KIF26B: variants seen among roughly 807,000 people sequenced by gnomAD.
KIF26B encodes kinesin-like protein KIF26B.
Under a neutral mutation model 151.2 loss-of-function variants are expected in KIF26B, and 63 were observed. That is an observed-to-expected ratio of 0.42 (90% CI 0.34 to 0.51). KIF26B has a LOEUF of 0.51. KIF26B is among the 20% of genes least tolerant of loss of function. The pLI is 0.07. For synonymous variants in KIF26B, 1,357 were observed against 1,262.1 expected, an observed-to-expected ratio of 1.08 and a Z score of -1.59; for missense variants, 2,813 against 2,913.6, an observed-to-expected ratio of 0.97 and a Z score of 0.79.
At chr1:245,269,375 C>T (rs1670808700) in intron 2 of KIF26B, among the ~76,000 whole-genome samples, 1 of 150,678 alleles carries the variant, frequency 6.6e-6, no homozygotes, top group Non-Finnish European at 1.5e-5. Context: ...TAAATAGAAT[C>T]ACACAGTATT....
chr1:245,366,757 G>A (rs1672963025), intron 2 of KIF26B, 77 bp from the exon 3 acceptor site: 1 of 1,446,726 alleles, frequency 6.9e-7, no homozygotes, highest in South Asian at 1.3e-5. Context: ...GGTTTGACTG[G>A]TAAGCCAGGT....
intron 5 of KIF26B, among the ~76,000 whole-genome samples, chr1:245,548,294 A>T (rs1661794873): frequency 6.6e-6 from 1 of 152,156 alleles, no homozygotes; most frequent in East Asian, 1.9e-4. Context: ...TAAAAAAAAA[A>T]ATTCTATACA....
intron 4 of KIF26B, among the ~76,000 whole-genome samples, chr1:245,524,058 T>C (rs946770916): frequency 6.6e-6 from 1 of 152,230 alleles, no homozygotes; most frequent in East Asian, 1.9e-4. Flanking sequence ...TCTTAAAATA[T>C]ATATTGGGAA....
chr1:245,656,007 A>G (rs1299293875), intron 10 of KIF26B, among the ~76,000 whole-genome samples: 3 of 152,242 alleles, frequency 2.0e-5, no homozygotes, highest in Non-Finnish European at 4.4e-5. Flanking sequence ...TTCTAAGCCT[A>G]ATTGAGGTCA....
At chr1:245,395,944 A>G (rs984246613) in intron 3 of KIF26B, among the ~76,000 whole-genome samples, 4 of 151,996 alleles carry the variant, frequency 2.6e-5, no homozygotes, top group Non-Finnish European at 5.9e-5. Flanking sequence ...ACAGGGGGGG[A>G]AATTTCTTCC....
At chr1:245,689,153 G>A (rs1049097678) in intron 12 of KIF26B, among the ~76,000 whole-genome samples, 2 of 152,220 alleles carry the variant, frequency 1.3e-5, no homozygotes, top group African/African-American at 4.8e-5. Flanking sequence ...CGAGGGCCCG[G>A]ATGCAGGTGG....
At chr1:245,646,090 C>A (rs768928088) in intron 9 of KIF26B, 31 bp from the exon 10 acceptor site, 8 of 1,606,952 alleles carry the variant, frequency 5.0e-6, no homozygotes, top group Middle Eastern at 1.7e-4. Flanking sequence ...AGAACTTAAC[C>A]ATTTCTCTTT....
intron 14 of KIF26B, among the ~76,000 whole-genome samples, chr1:245,700,484 G>T (rs1297687878): frequency 6.6e-6 from 1 of 152,132 alleles, no homozygotes; most frequent in Non-Finnish European, 1.5e-5. Context: ...TTGAGCCCAG[G>T]AGTTCAAGAC....
rs759767982 is a variant in KIF26B, at chr1:245,540,721, T to G, written c.1167-46T>G. 1.3e-6 allele frequency: 2 copies of G among 1,533,278 alleles called. No homozygotes were observed. Among genetic ancestry groups the G allele is most frequent in the Non-Finnish European group, 1.8e-6 (2 of 1,106,292 alleles). 95.0% of individuals were successfully genotyped at this position (1,533,278 alleles called of 1,614,324 possible). Reference sequence around the variant, plus strand: ...GAAAACGAAGTAAGCCTAGCAGATCTGATCGTACAATCATTTTCCCCTTAT... The same window carrying G: ...GAAAACGAAGTAAGCCTAGCAGATCGGATCGTACAATCATTTTCCCCTTAT... On this transcript the variant is annotated intron_variant, in intron 4 of 14. Coordinates refer to ENST00000407071, the MANE Select transcript of KIF26B (RefSeq NM_018012.4). The surrounding 1 kb of genome is among the most constrained non-coding windows in gnomAD (Gnocchi z 4.6).
At chr1:245,469,122 C>G (rs551343426) in intron 4 of KIF26B, among the ~76,000 whole-genome samples, 1 of 152,246 alleles carries the variant, frequency 6.6e-6, no homozygotes, top group African/African-American at 2.4e-5. Context: ...AAATGACCTC[C>G]CTTGTTCCCT....
intron 2 of KIF26B, among the ~76,000 whole-genome samples, chr1:245,306,729 C>T (rs941323437): frequency 4.6e-5 from 7 of 152,160 alleles, no homozygotes; most frequent in Non-Finnish European, 7.3e-5. Flanking sequence ...ATGTTTTCTC[C>T]TTCCAGAAAG....
At position 245,601,896 on chromosome 1, in the gene KIF26B, T is replaced by A. The variant is rs2043399976; in HGVS notation, c.1351-681T>A. Among the ~76,000 whole-genome samples, 1 of 152,152 alleles carries A rather than the reference T, an allele frequency of 6.6e-6. No homozygotes were observed. Reference sequence around the variant, plus strand: ...GGTGGTGGGTACCAGAGGTGCTCAGTGTTCAATCACGCAGAAAGTGGGCTA... The same window carrying A: ...GGTGGTGGGTACCAGAGGTGCTCAGAGTTCAATCACGCAGAAAGTGGGCTA... On this transcript the variant is annotated intron_variant, in intron 5 of 14. Coordinates refer to ENST00000407071, the MANE Select transcript of KIF26B (RefSeq NM_018012.4). This position sits in a 1 kb window ranked among gnomAD's most constrained non-coding sequence, Gnocchi z 4.4.
intron 3 of KIF26B, among the ~76,000 whole-genome samples, chr1:245,381,382 G>C (rs1409524344): frequency 1.3e-5 from 2 of 152,194 alleles, no homozygotes; most frequent in African/African-American, 4.8e-5. Context: ...AGTTCATCAA[G>C]CTTGTCCAAC....
chr1:245,697,954 T>C (rs943736877), intron 12 of KIF26B, among the ~76,000 whole-genome samples, 152 bp from the exon 13 acceptor site: 24 of 151,980 alleles, frequency 1.6e-4, no homozygotes, highest in African/African-American at 5.8e-4. Context: ...GACAAGAGAA[T>C]TGCTTGAGCC....
chr1:245,681,694 T>C (rs1295777756), intron 10 of KIF26B, among the ~76,000 whole-genome samples: 3 of 152,162 alleles, frequency 2.0e-5, no homozygotes. Flanking sequence ...GATGAGAACA[T>C]TTAATGTAAT....
At chr1:245,616,452 G>A (rs1715788) in intron 9 of KIF26B, among the ~76,000 whole-genome samples, 101,811 of 152,134 alleles carry the variant, frequency 0.67, 34,423 homozygotes, top group East Asian at 0.9. Flanking sequence ...ACAAGGTGGT[G>A]CTTGGGACCA....
chr1:245,385,233 C>T (rs190995411), intron 3 of KIF26B, among the ~76,000 whole-genome samples: 163 of 152,316 alleles, frequency 1.1e-3, no homozygotes, highest in African/African-American at 3.8e-3. Flanking sequence ...CTTATTTAAA[C>T]ATTGCATATC....
chr1:245,386,866 A>C (rs1673558950), intron 3 of KIF26B, among the ~76,000 whole-genome samples: 1 of 152,176 alleles, frequency 6.6e-6, no homozygotes, highest in South Asian at 2.1e-4. Context: ...GCTACGTGCC[A>C]GCGGGGAGTA....
At chr1:245,438,512 A>T (rs1312561263) in intron 4 of KIF26B, among the ~76,000 whole-genome samples, 1 of 152,204 alleles carries the variant, frequency 6.6e-6, no homozygotes, top group African/African-American at 2.4e-5. Flanking sequence ...TTTCACTCTT[A>T]TACCACCCAG....
Sources: allele counts gnomAD v4.1 joint callset (sites outside exome capture counted in the v4.1 genomes callset), GRCh38; gene constraint gnomAD v4.1.1; non-coding constraint Gnocchi (gnomAD v3.1); transcripts MANE v1.5; gene names NCBI Gene and HGNC (gene_info 2026-07-23, HGNC 2026-07-21).